Variants in PPOX observed in about 807,000 individuals in gnomAD.
PPOX encodes protoporphyrinogen oxidase.
A neutral mutation model predicts 54.1 loss-of-function variants in PPOX; 23 were observed. The observed-to-expected ratio is 0.43, with a 90% CI of 0.31 to 0.60. The LOEUF is 0.60. Ranked by LOEUF, PPOX falls within the 20% of genes least tolerant of loss-of-function variation. The probability of loss-of-function intolerance (pLI) is 0.13; values close to 1 mark genes in which losing one functional copy is unlikely to be tolerated. For missense variants in PPOX, 512 were observed against 601.1 expected (o/e 0.85, Z 1.55); for synonymous variants, 224 against 236.1 (o/e 0.95, Z 0.47).
At chr1:161,170,356 A>C in intron 9 of PPOX, 53 bp from the exon 10 acceptor site, 1 of 643,544 alleles carries the variant, frequency 1.6e-6, no homozygotes, top group East Asian at 5.8e-5. Flanking sequence ...GGAAGGAGAG[A>C]CAGCCTCAGC....
downstream of PPOX, chr1:161,177,219 C>G: frequency 1.4e-6 from 1 of 715,546 alleles, no homozygotes; most frequent in Non-Finnish European, 2.3e-6. Flanking sequence ...CCAGCTCTTT[C>G]GGAGCACGCC....
chr1:161,176,065 G>T (rs771958132), downstream of PPOX: 1 of 1,613,816 alleles, frequency 6.2e-7, no homozygotes, highest in Non-Finnish European at 8.5e-7. Context: ...CAACATCCTG[G>T]GGGTGAGATC....
chr1:161,176,786 C>A (rs562512256), intron 4 of PPOX: 3 of 1,433,720 alleles, frequency 2.1e-6, no homozygotes, highest in Non-Finnish European at 2.8e-6. Flanking sequence ...CGTACCCCCA[C>A]CCCAACAGGA....
downstream of PPOX, chr1:161,176,017 A>G (rs1380532930): frequency 6.2e-7 from 1 of 1,614,126 alleles, no homozygotes; most frequent in Non-Finnish European, 8.5e-7. Flanking sequence ...GGAGCCCACA[A>G]GCAGGGCCAG....
exon 5 of PPOX, chr1:161,177,020 A>G (rs1029408843): frequency 3.9e-6 from 6 of 1,535,294 alleles, no homozygotes; most frequent in Non-Finnish European, 4.4e-6. Context: ...ACAGCCCCGG[A>G]GCTCGGCGGA....
At chr1:161,165,884 C>CA (rs1658741923), upstream of PPOX, among the ~76,000 whole-genome samples, 2 of 152,042 alleles carry the variant, frequency 1.3e-5, no homozygotes, top group South Asian at 4.1e-4. Flanking sequence ...TGTCCCCCAG[C>CA]AGTGAAGGTT....
At chr1:161,168,266 C>T in intron 5 of PPOX, 139 bp downstream of exon 5, 1 of 1,549,498 alleles carries the variant, frequency 6.5e-7, no homozygotes, top group Non-Finnish European at 8.9e-7. Flanking sequence ...CCTCATAATT[C>T]CCAAAACTCA....
chr1:161,176,319 TCTA>T (rs1360762711), intron 4 of PPOX: 1 of 568,678 alleles, frequency 1.8e-6, no homozygotes, highest in African/African-American at 1.9e-5. Flanking sequence ...ACTCCCACCA[TCTA>T]CTGTCAGTCC....
downstream of PPOX, chr1:161,173,741 G>A (rs117887764): frequency 3.7e-6 from 6 of 1,613,954 alleles, no homozygotes; most frequent in Non-Finnish European, 5.1e-6. Flanking sequence ...GGGAGAGAAA[G>A]ATCCTTGCAT....
At chr1:161,175,240 G>C, downstream of PPOX, 1 of 1,608,722 alleles carries the variant, frequency 6.2e-7, no homozygotes, top group Non-Finnish European at 8.5e-7. Flanking sequence ...TGTTGGGAAG[G>C]AATGGCAAGT....
chr1:161,170,321 T>TTCCCCCCCCCCCC, intron 9 of PPOX, 88 bp from the exon 10 acceptor site: 1 of 367,762 alleles, frequency 2.7e-6, no homozygotes, highest in Admixed American at 3.5e-5. Flanking sequence ...TGAGACTCTG[T>TTCCCCCCCCCCCC]CCCCCCCACC....
downstream of PPOX, chr1:161,173,855 C>A: frequency 6.2e-7 from 1 of 1,613,506 alleles, no homozygotes; most frequent in South Asian, 1.1e-5. Flanking sequence ...TCCATGCCCT[C>A]TACCTGTATC....
intron 9 of PPOX, 79 bp from the exon 10 acceptor site, chr1:161,170,329 AC>A: frequency 3.3e-5 from 11 of 329,862 alleles, no homozygotes; most frequent in South Asian, 6.9e-5. Context: ...TGTCCCCCCC[AC>A]CCCCCCAAAA....
intron 2 of PPOX, 53 bp from the exon 3 acceptor site, chr1:161,167,047 C>T: frequency 1.9e-6 from 3 of 1,614,032 alleles, no homozygotes; most frequent in Non-Finnish European, 2.5e-6. Context: ...CCCTCCTGAC[C>T]TCTCGCCGGC....
At chr1:161,168,853 G>A in intron 6 of PPOX, 140 bp from the exon 7 acceptor site, 1 of 995,810 alleles carries the variant, frequency 1.0e-6, no homozygotes. Flanking sequence ...TTGTAGAGAT[G>A]CAGTTTCACT....
chr1:161,171,756 G>A, downstream of PPOX: 1 of 1,580,942 alleles, frequency 6.3e-7, no homozygotes, highest in South Asian at 1.1e-5. Flanking sequence ...GGAGCTGAGG[G>A]TGGGGAGAAT....
downstream of PPOX, chr1:161,175,687 G>A: frequency 2.1e-6 from 3 of 1,430,128 alleles, no homozygotes; most frequent in Admixed American, 2.1e-5. Flanking sequence ...CCTACCTGCA[G>A]CCTCAGCCTA....
At position 161,166,806 on chromosome 1, in the gene PPOX, G is replaced by C. The variant is rs1270529229; in HGVS notation, c.-8-34G>C. 3.7e-6 allele frequency: 6 copies of C among 1,608,678 alleles called. No individual in the cohort carries two copies. In the Admixed American group the frequency reaches 5.0e-5, roughly 13 times the overall value. On this transcript the variant is annotated intron_variant, in intron 1 of 12. Coordinates refer to ENST00000367999, the MANE Select transcript of PPOX (RefSeq NM_001122764.3). ...GGCTTCTGGAGCGCAGGTTGTCCCC[G>C]GTCTGCCTGTCCATATCGCCCCCTT...
chr1:161,177,159 G>A, downstream of PPOX: 3 of 1,349,508 alleles, frequency 2.2e-6, no homozygotes, highest in Non-Finnish European at 3.0e-6. Flanking sequence ...GGGGTGGCTG[G>A]AAGGGCTCAC....
Sources: gnomAD v4.1 joint callset for allele counts (sites outside exome capture counted in the v4.1 genomes callset) on GRCh38, gnomAD v4.1.1 for gene constraint, MANE v1.5 for transcripts, NCBI Gene and HGNC (gene_info 2026-07-23, HGNC 2026-07-21) for gene names.